PLA2G4A: variants seen among roughly 807,000 people sequenced by gnomAD.
PLA2G4A encodes phospholipase A2 group IVA.
A neutral mutation model predicts 81.9 loss-of-function variants in PLA2G4A; 40 were observed. The observed-to-expected ratio is 0.49, with a 90% confidence interval of 0.38 to 0.64. The LOEUF (loss-of-function observed/expected upper bound fraction) is 0.64. PLA2G4A is among the 30% of genes least tolerant of loss of function. The pLI, the probability that PLA2G4A is intolerant of heterozygous loss-of-function variation, is 0.00. For missense variants in PLA2G4A, 715 were observed against 905.1 expected (o/e 0.79, Z 2.69); for synonymous variants, 302 against 296.9 (o/e 1.02, Z -0.18).
intron 5 of PLA2G4A, among the ~76,000 whole-genome samples, chr1:186,901,029 G>A (rs1018921864): frequency 3.9e-5 from 6 of 152,162 alleles, no homozygotes; most frequent in Non-Finnish European, 5.9e-5. Flanking sequence ...AATTCAGAAT[G>A]TTGTTAGTCT....
At chr1:186,858,275 C>T (rs1359200984) in intron 2 of PLA2G4A, among the ~76,000 whole-genome samples, 1 of 152,076 alleles carries the variant, frequency 6.6e-6, no homozygotes, top group Admixed American at 6.6e-5. Context: ...TCTGTTGTTT[C>T]CTGAGTTTTT....
chr1:186,913,334 A>G (rs926914731), intron 7 of PLA2G4A, among the ~76,000 whole-genome samples: 2 of 151,936 alleles, frequency 1.3e-5, no homozygotes, highest in African/African-American at 4.8e-5. Flanking sequence ...TTCCAGTAAA[A>G]TGTAATATCC....
intron 6 of PLA2G4A, among the ~76,000 whole-genome samples, chr1:186,907,677 C>T (rs1454442028): frequency 2.6e-5 from 4 of 152,218 alleles, no homozygotes; most frequent in Admixed American, 6.5e-5. Flanking sequence ...ATATTTTACA[C>T]AAATGCCACG....
intron 3 of PLA2G4A, among the ~76,000 whole-genome samples, chr1:186,892,792 A>G (rs1654191969): frequency 6.6e-6 from 1 of 152,216 alleles, no homozygotes. Flanking sequence ...CACTTAATAA[A>G]CAATTCCCTC....
intron 3 of PLA2G4A, among the ~76,000 whole-genome samples, chr1:186,874,668 G>A (rs1653405108): frequency 6.6e-6 from 1 of 151,954 alleles, no homozygotes; most frequent in African/African-American, 2.4e-5. Context: ...GTGTAGGATT[G>A]CAGGTGGATC....
intron 7 of PLA2G4A, 45 bp from the exon 8 acceptor site, chr1:186,932,718 A>T (rs760853126): frequency 9.4e-6 from 15 of 1,591,044 alleles, no homozygotes; most frequent in Non-Finnish European, 1.1e-5. Flanking sequence ...ACTGTATTTT[A>T]TGATTTTTAC....
intron 8 of PLA2G4A, among the ~76,000 whole-genome samples, chr1:186,937,841 A>T (rs1034660823): frequency 6.6e-6 from 1 of 151,994 alleles, no homozygotes; most frequent in Non-Finnish European, 1.5e-5. Context: ...CTTTTTCTTG[A>T]TAATTAAAAT....
intron 5 of PLA2G4A, among the ~76,000 whole-genome samples, chr1:186,897,915 A>T (rs1029164767): frequency 6.6e-5 from 10 of 152,336 alleles, no homozygotes; most frequent in Non-Finnish European, 1.2e-4. Flanking sequence ...TCATCCAAGT[A>T]GTGAACATGG....
At chr1:186,832,339 A>G (rs1651622361) in intron 1 of PLA2G4A, among the ~76,000 whole-genome samples, 1 of 152,250 alleles carries the variant, frequency 6.6e-6, no homozygotes, top group East Asian at 1.9e-4. Context: ...GTGAGATGAT[A>G]ATCCAATTAC....
intron 2 of PLA2G4A, among the ~76,000 whole-genome samples, chr1:186,856,745 G>A (rs1652567882): frequency 6.6e-6 from 1 of 151,876 alleles, no homozygotes; most frequent in Non-Finnish European, 1.5e-5. Flanking sequence ...ATAACAGGAA[G>A]AATTAATAAC....
At chr1:186,883,536 C>A (rs1174568042) in intron 3 of PLA2G4A, among the ~76,000 whole-genome samples, 1 of 152,012 alleles carries the variant, frequency 6.6e-6, no homozygotes, top group African/African-American at 2.4e-5. Context: ...TTGGTTTTGA[C>A]TACATGAGCA....
chr1:186,886,073 G>A (rs1372931274), intron 3 of PLA2G4A, among the ~76,000 whole-genome samples: 11 of 152,150 alleles, frequency 7.2e-5, no homozygotes, highest in Admixed American at 6.6e-4. Context: ...TAAGATATTA[G>A]TTGACATCTT....
intron 12 of PLA2G4A, among the ~76,000 whole-genome samples, chr1:186,947,462 T>C (rs994462598): frequency 2.6e-5 from 4 of 152,124 alleles, no homozygotes; most frequent in African/African-American, 9.7e-5. Flanking sequence ...AACTAATGAT[T>C]TTCATTAAAT....
chr1:186,878,483 G>A (rs1435282363), intron 3 of PLA2G4A, among the ~76,000 whole-genome samples: 3 of 151,392 alleles, frequency 2.0e-5, no homozygotes, highest in African/African-American at 7.3e-5. Flanking sequence ...AAAATTCTAA[G>A]TATAATGAAA....
chr1:186,881,208 A>T (rs771856863), intron 3 of PLA2G4A, among the ~76,000 whole-genome samples: 1 of 152,076 alleles, frequency 6.6e-6, no homozygotes. Flanking sequence ...TTTAGAAAGC[A>T]CTATTATACA....
intron 14 of PLA2G4A, among the ~76,000 whole-genome samples, chr1:186,961,488 A>C (rs1656944959): frequency 2.2e-5 from 2 of 91,960 alleles, no homozygotes; most frequent in Admixed American, 1.3e-4. Context: ...CAAAATAAAA[A>C]TTGTTTTAAA....
At position 186,950,666 on chromosome 1, in the gene PLA2G4A, C is replaced by T. The variant is rs771287177; in HGVS notation, c.1274C>T (p.Thr425Ile). The T allele has an allele frequency of 1.3e-6, 2 of 1,575,186 alleles. No homozygotes were observed. Among genetic ancestry groups the T allele is most frequent in the South Asian group, 1.1e-5 (1 of 90,270 alleles). Residue 425 changes from threonine to isoleucine, a missense_variant, in exon 13 of 18, where the codon ACC becomes ATC. By Grantham distance (89) the Thr-to-Ile change is moderately conservative. Transcript: ENST00000367466. Reference protein sequence around the residue: ...STMEEELENITTKHIVSNDSS... With the variant: ...STMEEELENIITKHIVSNDSS... ...TGTTTTCTTTTCACAGAAAATATTA[C>T]CACAAAGCATATTGTGAGTAATGAT...
intron 12 of PLA2G4A, among the ~76,000 whole-genome samples, chr1:186,948,196 A>C (rs1051023288): frequency 1.3e-4 from 20 of 152,164 alleles, no homozygotes; most frequent in African/African-American, 3.9e-4. Context: ...TGGAAAAGTT[A>C]TCTTATAATT....
rs184107080 is a variant in PLA2G4A, at chr1:186,896,484, T to C, written c.378+2273T>C. ...GGCTAAAATCTTCAGGCCTTAGTTATTGCATGTTTCTAGCATAGGCTCTCA... is the reference window on the plus strand; with the variant it reads ...GGCTAAAATCTTCAGGCCTTAGTTACTGCATGTTTCTAGCATAGGCTCTCA... On this transcript the variant is annotated intron_variant, in intron 5 of 17. Transcript: ENST00000367466. Among the ~76,000 whole-genome samples, 249 of 152,324 alleles carry C rather than the reference T, an allele frequency of 1.6e-3. 2 individuals carry two copies. Among genetic ancestry groups the C allele is most frequent in the African/African-American group, 5.8e-3 (240 of 41,576 alleles).
Sources: gnomAD v4.1 joint callset for allele counts (sites outside exome capture counted in the v4.1 genomes callset) on GRCh38, gnomAD v4.1.1 for gene constraint, MANE v1.5 for transcripts, NCBI Gene and HGNC (gene_info 2026-07-23, HGNC 2026-07-21) for gene names.